Variants in BBS9 observed in about 807,000 individuals in gnomAD.
BBS9 encodes the protein Bardet-Biedl syndrome 9, also known as protein PTHB1.
BBS9 carries 89 observed loss-of-function variants against 117.7 expected under a neutral mutation model. The ratio of observed to expected loss-of-function variants is 0.76; its 90% confidence interval spans 0.64 to 0.90. The LOEUF (loss-of-function observed/expected upper bound fraction) is 0.90, where lower values mean the gene tolerates loss of function less well. BBS9 is among the 40% of genes least tolerant of loss of function. The pLI is 0.00. For missense variants in BBS9, 982 were observed against 1,042.2 expected (o/e 0.94, Z 0.80); for synonymous variants, 379 against 370.9 (o/e 1.02, Z -0.25).
At chr7:33,501,219 G>A (rs1362441736) in intron 19 of BBS9, among the ~76,000 whole-genome samples, 2 of 152,178 alleles carry the variant, frequency 1.3e-5, no homozygotes, top group African/African-American at 4.8e-5. Flanking sequence ...CTTGATGGGT[G>A]TAGTTTTTCC....
At chr7:33,337,606 T>C (rs1815647856) in intron 10 of BBS9, among the ~76,000 whole-genome samples, 1 of 152,140 alleles carries the variant, frequency 6.6e-6, no homozygotes, top group African/African-American at 2.4e-5. Flanking sequence ...TAGAAAGTTT[T>C]GAAAGTAAAC....
At chr7:33,349,900 A>G (rs1378282826) in intron 13 of BBS9, among the ~76,000 whole-genome samples, 1 of 152,220 alleles carries the variant, frequency 6.6e-6, no homozygotes, top group Non-Finnish European at 1.5e-5. Context: ...AAACTACATT[A>G]GTAATCACTT....
chr7:33,410,159 T>A (rs1277758863), intron 19 of BBS9, among the ~76,000 whole-genome samples: 1 of 152,230 alleles, frequency 6.6e-6, no homozygotes, highest in African/African-American at 2.4e-5. Flanking sequence ...AAATAATTCA[T>A]GACTGTTTGA....
chr7:33,415,019 C>T (rs1222144173), intron 19 of BBS9, among the ~76,000 whole-genome samples: 8 of 152,096 alleles, frequency 5.3e-5, no homozygotes, highest in South Asian at 2.1e-4. Context: ...TTATTTGGAT[C>T]GAAATACCTT....
intron 5 of BBS9, among the ~76,000 whole-genome samples, chr7:33,178,671 G>T (rs1362361257): frequency 1.3e-5 from 2 of 151,962 alleles, no homozygotes; most frequent in Admixed American, 1.3e-4. Flanking sequence ...AGCTCTTCCT[G>T]GACTCATGTT....
At chr7:33,228,928 G>A (rs73307384) in intron 5 of BBS9, among the ~76,000 whole-genome samples, 17,082 of 151,866 alleles carry the variant, frequency 0.11, 1,126 homozygotes, top group African/African-American at 0.18. Context: ...GTTGTTCAAG[G>A]GTCAGCTGTA....
intron 15 of BBS9, among the ~76,000 whole-genome samples, chr7:33,357,513 G>T (rs1272165430): frequency 6.6e-6 from 1 of 151,694 alleles, no homozygotes; most frequent in East Asian, 1.9e-4. Context: ...ATTAGGGCTA[G>T]AGCTCTGAAG....
chr7:33,168,263 C>T (rs1394139904), intron 4 of BBS9, among the ~76,000 whole-genome samples: 1 of 152,024 alleles, frequency 6.6e-6, no homozygotes, highest in African/African-American at 2.4e-5. Flanking sequence ...TAACACTTGA[C>T]CAAGATAGGA....
chr7:33,449,271 T>C (rs573950150), intron 19 of BBS9, among the ~76,000 whole-genome samples: 2 of 152,332 alleles, frequency 1.3e-5, no homozygotes, highest in East Asian at 3.9e-4. Flanking sequence ...CTGGGGCTTC[T>C]GTAAGGGCAG....
At chr7:33,406,357 T>A (rs1224275769) in intron 19 of BBS9, among the ~76,000 whole-genome samples, 1 of 152,220 alleles carries the variant, frequency 6.6e-6, no homozygotes, top group Non-Finnish European at 1.5e-5. Flanking sequence ...GTCTATTAGG[T>A]CTGCTTGGTG....
intron 21 of BBS9, among the ~76,000 whole-genome samples, chr7:33,539,403 T>C (rs1851928661): frequency 6.6e-6 from 1 of 152,230 alleles, no homozygotes; most frequent in South Asian, 2.1e-4. Context: ...ACTCCAATCC[T>C]GCTGTGTCAT....
At chr7:33,550,046 C>T (rs943394780) in intron 21 of BBS9, among the ~76,000 whole-genome samples, 1 of 105,188 alleles carries the variant, frequency 9.5e-6, no homozygotes, top group African/African-American at 4.5e-5. Flanking sequence ...TCTACTGATT[C>T]ATATAACAAT....
At chr7:33,192,054 C>G (rs1784205948) in intron 5 of BBS9, among the ~76,000 whole-genome samples, 1 of 152,074 alleles carries the variant, frequency 6.6e-6, no homozygotes, top group Middle Eastern at 3.4e-3. Context: ...CTTGAGCTAA[C>G]CCAGAGTAAT....
At chr7:33,253,536 C>G (rs193162894) in intron 5 of BBS9, among the ~76,000 whole-genome samples, 115 of 152,176 alleles carry the variant, frequency 7.6e-4, no homozygotes, top group African/African-American at 2.7e-3. Context: ...TGCTTGAACC[C>G]GGGAGGAGGA....
chr7:33,527,106 C>T (rs1397418074), intron 20 of BBS9, among the ~76,000 whole-genome samples: 1 of 151,980 alleles, frequency 6.6e-6, no homozygotes, highest in Non-Finnish European at 1.5e-5. Context: ...TCTGCCTCTT[C>T]TCAGATCTCC....
rs117722687 is a variant in BBS9, at chr7:33,200,231, G to A, written c.442+22640G>A. On this transcript the variant is annotated intron_variant, in intron 5 of 22. Coordinates refer to ENST00000242067, the MANE Select transcript of BBS9 (RefSeq NM_198428.3). ...ACAGTATACTTAATTTCTATTTCTT[G>A]TTCTACCAACTTTCAGCTCCTTGAT... is the stretch of plus-strand genomic sequence containing the variant. 3.1e-3 allele frequency among the ~76,000 whole-genome samples: 473 copies of A among 152,068 alleles called. 3 individuals are homozygous for A. Among genetic ancestry groups the A allele is most frequent in the Admixed American group, 5.0e-3 (76 of 15,270 alleles).
At chr7:33,167,410 T>TC (rs1378649070) in intron 4 of BBS9, among the ~76,000 whole-genome samples, 1 of 151,244 alleles carries the variant, frequency 6.6e-6, no homozygotes, top group East Asian at 1.9e-4. Context: ...ATTCTTTTTT[T>TC]TTTTTTTTTT....
chr7:33,179,335 C>T (rs1797773183), intron 5 of BBS9, among the ~76,000 whole-genome samples: 1 of 152,208 alleles, frequency 6.6e-6, no homozygotes, highest in Non-Finnish European at 1.5e-5. Context: ...GGTCCATGAC[C>T]TGTTAGGAAC....
At chr7:33,600,328 G>A (rs1441602754) in intron 21 of BBS9, among the ~76,000 whole-genome samples, 1 of 151,546 alleles carries the variant, frequency 6.6e-6, no homozygotes, top group Non-Finnish European at 1.5e-5. Flanking sequence ...TTTTCTACTA[G>A]TTCTTTTTAT....
Sources: allele counts gnomAD v4.1 joint callset (sites outside exome capture counted in the v4.1 genomes callset), GRCh38; gene constraint gnomAD v4.1.1; transcripts MANE v1.5; gene names NCBI Gene and HGNC (gene_info 2026-07-23, HGNC 2026-07-21).